Variants in CA12 observed in about 807,000 individuals in gnomAD.
The protein encoded by CA12 is carbonic anhydrase 12.
A neutral mutation model predicts 46.8 loss-of-function variants in CA12; 36 were observed. The ratio of observed to expected loss-of-function variants is 0.77; its 90% CI spans 0.59 to 1.02. The LOEUF is 1.02. Ranked by LOEUF, CA12 falls within the 50% of genes least tolerant of loss-of-function variation. The probability of loss-of-function intolerance (pLI) is 0.00; values close to 1 mark genes in which losing one functional copy is unlikely to be tolerated. For synonymous variants in CA12, 202 were observed against 187.0 expected, an observed-to-expected ratio of 1.08 and a Z score of -0.65; for missense variants, 436 against 451.4, an observed-to-expected ratio of 0.97 and a Z score of 0.31.
Position 63,342,024 on chromosome 15 carries a change from G to T in CA12, c.503C>A (p.Ala168Asp). ...TACCTCAATGAGAACAGCCAGGACA[G>T]CGAGGCCTTCTGACTTGTTGCTGGC... ...STASNKSEGLAVLAVLIEMGS... is the reference protein window; with the variant it reads ...STASNKSEGLDVLAVLIEMGS... Residue 168 changes from alanine to aspartate, a missense_variant, in exon 5 of 11, where the codon GCT becomes GAT. By Grantham distance (126) the Ala-to-Asp change is moderately radical. Coordinates refer to ENST00000178638, the MANE Select transcript of CA12 (RefSeq NM_001218.5). The T allele has an allele frequency of 2.5e-6, 4 of 1,613,540 alleles. No individual in the cohort carries two copies. Among genetic ancestry groups the T allele is most frequent in the Non-Finnish European group, 3.4e-6 (4 of 1,179,448 alleles).
At position 63,324,057 on chromosome 15, in the gene CA12, T is replaced by C. The variant is rs552517274; in HGVS notation, c.*2228A>G. On this transcript the variant is annotated 3_prime_UTR_variant, in exon 11 of 11. Transcript: ENST00000178638. Reference sequence around the variant, plus strand: ...GGGCAGCTGGCATCAGTGGAATGAGTGCGGATCCGAAGAAAGGTTTCCCAG... The same window carrying C: ...GGGCAGCTGGCATCAGTGGAATGAGCGCGGATCCGAAGAAAGGTTTCCCAG... The C allele has an allele frequency of 3.9e-5, 6 of 152,302 alleles. No homozygotes were observed. The South Asian group carries it at 1.2e-3, about 32-fold the overall frequency. The allele number at this position is 152,302 out of a possible 1,614,324, so 9.4% of individuals were successfully genotyped here. A position where few individuals can be genotyped will look rare whatever the true frequency, so the allele number is the denominator to read the frequency against.
At chr15:63,342,325 A>C (rs781155816) in intron 4 of CA12, among the ~76,000 whole-genome samples, 4 of 152,176 alleles carry the variant, frequency 2.6e-5, no homozygotes, top group Non-Finnish European at 5.9e-5. Context: ...ATAATACATC[A>C]ATCAATACGT....
rs1165328836 is a variant in CA12, at chr15:63,340,908, A to G, written c.526-125T>C. On this transcript the variant is annotated intron_variant, in intron 5 of 10. Transcript: ENST00000178638. The surrounding 1 kb of genome is among the most constrained non-coding windows in gnomAD (Gnocchi z 4.4). ...CACCACTGCCTGAAGGATCCACTTT[A>G]CTGGACAATTATGATGGATCACTAG... 1 of 775,786 alleles carries G rather than the reference A, an allele frequency of 1.3e-6. No individual in the cohort carries two copies. The highest frequency in any genetic ancestry group is 2.3e-6 in the Non-Finnish European group (1 of 437,040). 48.1% of individuals were successfully genotyped at this position (775,786 alleles called of 1,614,324 possible).
In CA12 at chr15:63,340,784, C is replaced by T. The variant is rs145417517; in HGVS notation, c.526-1G>A. 64 of 1,613,968 alleles carry T rather than the reference C, an allele frequency of 4.0e-5. No individual in the cohort carries two copies. The highest frequency in any genetic ancestry group is 3.7e-5 in the Non-Finnish European group (44 of 1,179,904). Reference sequence around the variant, plus strand: ...CATAGGACGGATTGAAGGAGCCCATCTGCAACAGAGACAGGGCAGGTTAAA... The same window carrying T: ...CATAGGACGGATTGAAGGAGCCCATTTGCAACAGAGACAGGGCAGGTTAAA... On this transcript the variant is annotated splice_acceptor_variant, in intron 5 of 10. Transcript: ENST00000178638. LOFTEE classifies it high-confidence loss of function. This position sits in a 1 kb window ranked among gnomAD's most constrained non-coding sequence, Gnocchi z 4.4.
intron 2 of CA12, among the ~76,000 whole-genome samples, chr15:63,364,665 G>C (rs953411077): frequency 1.3e-5 from 2 of 152,196 alleles, no homozygotes; most frequent in African/African-American, 4.8e-5. Context: ...ATCACGGCTT[G>C]CTGCCCAGGC....
Position 63,341,999 on chromosome 15 carries a change from TA to T in CA12, c.525+2del, listed in dbSNP as rs1265183842. ...ACCTAAGAACCTTTTAAATATCTCT[TA>T]CCTCAATGAGAACAGCCAGGACAGC... On this transcript the variant is annotated splice_donor_variant, in intron 5 of 10. Transcript: ENST00000178638. LOFTEE classifies it high-confidence loss of function. The surrounding 1 kb of genome is among the most constrained non-coding windows in gnomAD (Gnocchi z 5.2). The T allele has an allele frequency of 6.2e-7, 1 of 1,605,858 alleles. No homozygotes were observed. Among genetic ancestry groups the T allele is most frequent in the Non-Finnish European group, 8.5e-7 (1 of 1,172,672 alleles).
chr15:63,376,590 CTTTCTTTCTT>C lies in CA12; in HGVS notation c.86-922_86-913del, dbSNP rs1360597169. Among the ~76,000 whole-genome samples the C allele has an allele frequency of 2.0e-3, 248 of 122,238 alleles. 1 individual carries two copies. Among genetic ancestry groups the C allele is most frequent in the African/African-American group, 6.2e-3 (220 of 35,584 alleles). The allele number at this position is 122,238 out of a possible 152,430, so 80.2% of individuals were successfully genotyped here. A position where few individuals can be genotyped will look rare whatever the true frequency, so the allele number is the denominator to read the frequency against. The stretch of plus-strand genomic sequence containing the variant: ...TCTTTCTTTCTTTCTTTCTTTCTTT[CTTTCTTTCTT>C]TCTCTCTCTCTCGCTCTCTCTCTTT... On this transcript the variant is annotated intron_variant, in intron 1 of 10. Coordinates refer to ENST00000178638, the MANE Select transcript of CA12 (RefSeq NM_001218.5).
intron 2 of CA12, among the ~76,000 whole-genome samples, chr15:63,357,448 C>T (rs1212112275): frequency 6.6e-6 from 1 of 152,166 alleles, no homozygotes; most frequent in Non-Finnish European, 1.5e-5. Context: ...TGATTTTGCT[C>T]CCAGCCCCAG....
chr15:63,359,151 T>C (rs753061748), intron 2 of CA12, among the ~76,000 whole-genome samples: 3 of 152,128 alleles, frequency 2.0e-5, no homozygotes, highest in Admixed American at 6.5e-5. Context: ...CCTGCCCAGT[T>C]TTCCTCTGAG....
intron 2 of CA12, among the ~76,000 whole-genome samples, chr15:63,362,458 A>G (rs1442909127): frequency 6.6e-6 from 1 of 152,222 alleles, no homozygotes; most frequent in Non-Finnish European, 1.5e-5. Flanking sequence ...CCCAGGCAGT[A>G]GCAACGGCTA....
At chr15:63,365,027 A>T (rs900125746) in intron 2 of CA12, among the ~76,000 whole-genome samples, 3 of 152,194 alleles carry the variant, frequency 2.0e-5, no homozygotes, top group African/African-American at 7.2e-5. Flanking sequence ...AGTTCACTGC[A>T]GCCTCAACCT....
Position 63,340,056 on chromosome 15 carries a change from C to G in CA12, c.747+232G>C. 2 of 570,718 alleles carry G rather than the reference C, an allele frequency of 3.5e-6. No homozygotes were observed. 35.4% of individuals were successfully genotyped at this position (570,718 alleles called of 1,614,324 possible). A position where few individuals can be genotyped will look rare whatever the true frequency, so the allele number is the denominator to read the frequency against. ...TATATTAGCAAATGCAGATTTAGAG[C>G]TCTTTTTTTTAAAAAAGAACTAGGA... is the stretch of plus-strand genomic sequence containing the variant. On this transcript the variant is annotated intron_variant, in intron 7 of 10. Transcript: ENST00000178638. The surrounding 1 kb of genome is among the most constrained non-coding windows in gnomAD (Gnocchi z 4.4).
intron 2 of CA12, among the ~76,000 whole-genome samples, chr15:63,347,778 G>A (rs1448194366): frequency 6.6e-6 from 1 of 152,188 alleles, no homozygotes; most frequent in Non-Finnish European, 1.5e-5. Context: ...GCTCGTTAGG[G>A]TAGACCCAGG....
Position 63,328,410 on chromosome 15 carries a change from C to T in CA12, c.875-280G>A, listed in dbSNP as rs1348263810. On this transcript the variant is annotated intron_variant, in intron 8 of 10. Transcript: ENST00000178638. This position sits in a 1 kb window ranked among gnomAD's most constrained non-coding sequence, Gnocchi z 5.9. ...GGAATGCAGTGGTGCGATCTTGGCT[C>T]ACTTCAACCTCCGCCTCCTGGGTTC... 2.0e-5 allele frequency among the ~76,000 whole-genome samples: 3 copies of T among 150,058 alleles called. No homozygotes were observed. The highest frequency in any genetic ancestry group is 7.4e-5 in the African/African-American group (3 of 40,612).
intron 8 of CA12, among the ~76,000 whole-genome samples, chr15:63,335,422 A>G (rs187022291): frequency 3.0e-4 from 46 of 151,928 alleles, no homozygotes; most frequent in Non-Finnish European, 5.4e-4. Context: ...CCTTCCCCAA[A>G]GTCCATGTAC....
rs1355261693 is a variant in CA12 at position 63,345,346 on chromosome 15, C to G, written c.429+131G>C. On this transcript the variant is annotated intron_variant, in intron 4 of 10. Coordinates refer to ENST00000178638, the MANE Select transcript of CA12 (RefSeq NM_001218.5). This position sits in a 1 kb window ranked among gnomAD's most constrained non-coding sequence, Gnocchi z 4.3. ...AGTGGCTGCGCCCCTTGTGCCAGGG[C>G]CAGAGGTGGGGCAGAGAGCCTGAAG... 23 of 1,177,852 alleles carry G rather than the reference C, an allele frequency of 2.0e-5. No individual in the cohort carries two copies. Among genetic ancestry groups the G allele is most frequent in the Non-Finnish European group, 2.8e-5 (23 of 824,522 alleles). 73.0% of individuals were successfully genotyped at this position (1,177,852 alleles called of 1,614,324 possible).
Position 63,375,638 on chromosome 15 carries a change from T to C in CA12, c.106+20A>G. On this transcript the variant is annotated intron_variant, in intron 2 of 10. Coordinates refer to ENST00000178638, the MANE Select transcript of CA12 (RefSeq NM_001218.5). ...TTCTATTTTCTTTTCAACAAAAAAG[T>C]ATTTAAAATCTCTACTTACCAAAAT... 1 of 1,478,394 alleles carries C rather than the reference T, an allele frequency of 6.8e-7. No homozygotes were observed. Among genetic ancestry groups the C allele is most frequent in the Non-Finnish European group, 9.4e-7 (1 of 1,061,444 alleles). 91.6% of individuals were successfully genotyped at this position (1,478,394 alleles called of 1,614,324 possible).
intron 2 of CA12, among the ~76,000 whole-genome samples, chr15:63,369,201 A>G (rs2039471002): frequency 6.6e-6 from 1 of 152,174 alleles, no homozygotes. Flanking sequence ...TTGTTTATTG[A>G]AAATATAAAA....
At chr15:63,367,211 G>A (rs1002831185) in intron 2 of CA12, among the ~76,000 whole-genome samples, 1 of 152,164 alleles carries the variant, frequency 6.6e-6, no homozygotes, top group Non-Finnish European at 1.5e-5. Flanking sequence ...GTGAGCCACC[G>A]CACCCAGCCA....
Sources: gnomAD v4.1 joint callset for allele counts (sites outside exome capture counted in the v4.1 genomes callset) on GRCh38, gnomAD v4.1.1 for gene constraint, Gnocchi (gnomAD v3.1) non-coding constraint, MANE v1.5 for transcripts, NCBI Gene and HGNC (gene_info 2026-07-23, HGNC 2026-07-21) for gene names.